The following ISM1 variants were observed in gnomAD, a reference collection of about 807,000 sequenced individuals.
The protein encoded by ISM1 is isthmin 1.
In ISM1, 25 loss-of-function variants were observed where a neutral mutation model predicts 46.3. That is an observed-to-expected ratio of 0.54 (90% CI 0.39 to 0.75). ISM1 has a LOEUF of 0.75. Among genes scored for constraint, ISM1 ranks in the 30% least tolerant of loss-of-function variants. The pLI is 0.00. For synonymous variants in ISM1, 255 were observed against 256.7 expected (o/e 0.99, Z 0.06); for missense variants, 536 against 625.4 (o/e 0.86, Z 1.52).
At chr20:13,254,167 A>C (rs1043894254) in intron 1 of ISM1, among the ~76,000 whole-genome samples, 2 of 151,366 alleles carry the variant, frequency 1.3e-5, no homozygotes, top group African/African-American at 4.9e-5. Flanking sequence ...CAGGAGGGGG[A>C]GGTTGCAGTG....
intron 2 of ISM1, among the ~76,000 whole-genome samples, chr20:13,277,794 C>T (rs2040197227): frequency 6.6e-6 from 1 of 152,072 alleles, no homozygotes; most frequent in Non-Finnish European, 1.5e-5. Flanking sequence ...GAGAAGGGTG[C>T]ACTTGGCCTG....
chr20:13,315,172 T>C, the ISM1 span, among the ~76,000 whole-genome samples: 5 of 152,004 alleles, frequency 3.3e-5, no homozygotes, highest in Non-Finnish European at 5.9e-5. Context: ...TAGTAATAAA[T>C]ATGATAGGTA....
chr20:13,297,711 G>A (rs891009728), intron 5 of ISM1, among the ~76,000 whole-genome samples: 2 of 152,168 alleles, frequency 1.3e-5, no homozygotes, highest in African/African-American at 2.4e-5. Context: ...AGCATAATTC[G>A]ATCTTTTGGT....
At chr20:13,293,283 C>T (rs1259831690) in intron 5 of ISM1, among the ~76,000 whole-genome samples, 1 of 151,764 alleles carries the variant, frequency 6.6e-6, no homozygotes, top group African/African-American at 2.4e-5. Context: ...AATGGTAGAG[C>T]AAATGCAATA....
chr20:13,226,153 TAA>T (rs573837524), intron 1 of ISM1, among the ~76,000 whole-genome samples: 15 of 149,908 alleles, frequency 1.0e-4, no homozygotes, highest in African/African-American at 3.7e-4. Flanking sequence ...TCGAATGTAG[TAA>T]AATGTCTTTG....
intron 1 of ISM1, among the ~76,000 whole-genome samples, chr20:13,249,884 C>T (rs2039847861): frequency 6.6e-6 from 1 of 152,134 alleles, no homozygotes; most frequent in African/African-American, 2.4e-5. Context: ...TTTCTGCACT[C>T]TCTTTTCCTT....
Position 13,299,615 on chromosome 20 carries a change from G to A in ISM1, c.*156G>A, listed in dbSNP as rs959243244. On this transcript the variant is annotated 3_prime_UTR_variant, in exon 6 of 6. Coordinates refer to ENST00000262487, the MANE Select transcript of ISM1 (RefSeq NM_080826.2). This position sits in a 1 kb window ranked among gnomAD's most constrained non-coding sequence, Gnocchi z 5.8. ...CTCATACATTACGCTAGGGGCGTGT[G>A]CCACGCCCAGGGGACTGCCTTGTGA... is the stretch of plus-strand genomic sequence containing the variant. 1.3e-6 allele frequency: 1 copy of A among 744,180 alleles called. No homozygotes were observed. The highest frequency in any genetic ancestry group is 2.1e-6 in the Non-Finnish European group (1 of 472,442). The allele number at this position is 744,180 out of a possible 1,614,324, so 46.1% of individuals were successfully genotyped here.
intron 2 of ISM1, among the ~76,000 whole-genome samples, chr20:13,278,811 C>T (rs2040207946): frequency 6.6e-6 from 1 of 152,130 alleles, no homozygotes; most frequent in Admixed American, 6.5e-5. Flanking sequence ...CCACGATGGC[C>T]CTACTCACAT....
At position 13,221,839 on chromosome 20, in the gene ISM1, C is replaced by T; in HGVS notation, c.63C>T (p.Ile21=). Residue 21 remains isoleucine, a synonymous_variant, in exon 1 of 6, where the codon ATC becomes ATT. Coordinates refer to ENST00000262487, the MANE Select transcript of ISM1 (RefSeq NM_080826.2). The stretch of plus-strand genomic sequence containing the variant: ...GGCTGCTGCTGCTCACGCTGCACAT[C>T]ACCGTGCTGCGCGGCTCGGGAGCCG... ...LLGLLLLTLH[I]TVLRGSGAAD... The T allele has an allele frequency of 6.9e-7, 1 of 1,451,656 alleles. No individual in the cohort carries two copies. Among genetic ancestry groups the T allele is most frequent in the Non-Finnish European group, 9.0e-7 (1 of 1,107,764 alleles). 89.9% of individuals were successfully genotyped at this position (1,451,656 alleles called of 1,614,324 possible). A position where few individuals can be genotyped will look rare whatever the true frequency, so the allele number is the denominator to read the frequency against.
intron 1 of ISM1, among the ~76,000 whole-genome samples, chr20:13,248,238 TTTC>T (rs1430209195): frequency 1.3e-5 from 2 of 152,202 alleles, no homozygotes; most frequent in African/African-American, 4.8e-5. Context: ...TTTATGAACA[TTTC>T]TTGTTGCTCC....
At chr20:13,322,653 TACAG>T in the ISM1 span, among the ~76,000 whole-genome samples, 2 of 152,174 alleles carry the variant, frequency 1.3e-5, no homozygotes, top group South Asian at 2.1e-4. Context: ...GACCCAGTGA[TACAG>T]ACAGACAGAC....
chr20:13,228,334 A>T (rs2039551996), intron 1 of ISM1, among the ~76,000 whole-genome samples: 1 of 151,778 alleles, frequency 6.6e-6, no homozygotes, highest in Admixed American at 6.6e-5. Flanking sequence ...AGTTTCAAAA[A>T]TTTTTTCAGA....
At chr20:13,298,873 G>A (rs1362498435) in intron 5 of ISM1, 69 bp from the exon 6 acceptor site, 14 of 1,518,878 alleles carry the variant, frequency 9.2e-6, no homozygotes, top group African/African-American at 1.4e-5. Context: ...GGTGTCACAT[G>A]CTCCTTGAAG....
At chr20:13,262,001 G>A (rs748033261) in intron 1 of ISM1, among the ~76,000 whole-genome samples, 5 of 152,170 alleles carry the variant, frequency 3.3e-5, no homozygotes, top group South Asian at 2.1e-4. Flanking sequence ...TTCGACACCC[G>A]TTCCCTCTGG....
At chr20:13,308,728 C>T in the ISM1 span, among the ~76,000 whole-genome samples, 4 of 152,156 alleles carry the variant, frequency 2.6e-5, no homozygotes, top group East Asian at 1.9e-4. Flanking sequence ...AGGTACAGAA[C>T]ATTTGTGTTC....
intron 1 of ISM1, among the ~76,000 whole-genome samples, chr20:13,268,350 CTCTCT>C (rs2040072185): frequency 5.0e-3 from 5 of 994 alleles, no homozygotes; most frequent in Non-Finnish European, 8.4e-3. Flanking sequence ...TCTTCTTCCT[CTCTCT>C]CTCTCTCTCT....
At chr20:13,298,837 C>T in intron 5 of ISM1, 105 bp from the exon 6 acceptor site, 2 of 1,140,708 alleles carry the variant, frequency 1.8e-6, no homozygotes, top group Non-Finnish European at 2.5e-6. Context: ...CTTTAGTGTC[C>T]TCCTGCGGGC....
intron 1 of ISM1, among the ~76,000 whole-genome samples, chr20:13,229,823 ACCAG>A (rs1456091062): frequency 1.3e-5 from 2 of 152,110 alleles, no homozygotes; most frequent in Non-Finnish European, 2.9e-5. Context: ...TTTCATATCT[ACCAG>A]AAATCCCTCT....
chr20:13,302,706 T>C (rs1379163459), downstream of ISM1, among the ~76,000 whole-genome samples: 1 of 152,186 alleles, frequency 6.6e-6, no homozygotes, highest in Non-Finnish European at 1.5e-5. Context: ...CAAATTTTTC[T>C]CTTTGAGTGC....
Sources: gnomAD v4.1 joint callset for allele counts (sites outside exome capture counted in the v4.1 genomes callset) on GRCh38, gnomAD v4.1.1 for gene constraint, Gnocchi (gnomAD v3.1) non-coding constraint, MANE v1.5 for transcripts, NCBI Gene and HGNC (gene_info 2026-07-23, HGNC 2026-07-21) for gene names.